The following ABLIM2 variants were observed in gnomAD, a reference collection of about 807,000 sequenced individuals.
The protein encoded by ABLIM2 is actin binding LIM protein family member 2.
Under a neutral mutation model 97.7 loss-of-function variants are expected in ABLIM2, and 53 were observed. That is an observed-to-expected ratio of 0.54 (90% CI 0.44 to 0.68). The LOEUF is 0.68. Among genes scored for constraint, ABLIM2 ranks in the 30% least tolerant of loss-of-function variants. The pLI is 0.00. For missense variants in ABLIM2, 835 were observed against 867.2 expected (o/e 0.96, Z 0.47); for synonymous variants, 361 against 345.8 (o/e 1.04, Z -0.49).
chr4:8,143,165 G>A (rs114846473), intron 1 of ABLIM2, among the ~76,000 whole-genome samples: 4 of 147,760 alleles, frequency 2.7e-5, no homozygotes, highest in African/African-American at 7.5e-5. Flanking sequence ...AGAGTGGGGG[G>A]GGGGGGCGTC....
At chr4:8,154,281 C>CTTT (rs34112937) in intron 1 of ABLIM2, among the ~76,000 whole-genome samples, 6 of 114,530 alleles carry the variant, frequency 5.2e-5, no homozygotes, top group African/African-American at 1.4e-4. Flanking sequence ...CTTTTCTTTT[C>CTTT]TTTTTTTTTT....
At position 8,149,564 on chromosome 4, in the gene ABLIM2, C is replaced by T. The variant is rs368016792; in HGVS notation, c.10+9116G>A. ...AAAGCTTCACAGAGGCCCTGGAGTC[C>T]GGCAGAGCCTTGAAAGGGAGAGGAG... On this transcript the variant is annotated intron_variant, in intron 1 of 20. Coordinates refer to ENST00000447017, the MANE Select transcript of ABLIM2 (RefSeq NM_001130083.2). This position sits in a 1 kb window ranked among gnomAD's most constrained non-coding sequence, Gnocchi z 6.4. 2.6e-5 allele frequency among the ~76,000 whole-genome samples: 4 copies of T among 151,760 alleles called. No individual in the cohort carries two copies. Among genetic ancestry groups the T allele is most frequent in the Admixed American group, 6.6e-5 (1 of 15,232 alleles).
Position 8,001,919 on chromosome 4 carries a change from T to G in ABLIM2, c.1618+6140A>C, listed in dbSNP as rs1416704019. On this transcript the variant is annotated intron_variant, in intron 16 of 20. Coordinates refer to ENST00000447017, the MANE Select transcript of ABLIM2 (RefSeq NM_001130083.2). The surrounding 1 kb of genome is among the most constrained non-coding windows in gnomAD (Gnocchi z 4.2). ...ACCTGCCCGCTTGTCAGCACACACA[T>G]GTGCGTGCTCTCTCTCTCTTTTTCT... Among the ~76,000 whole-genome samples, 1 of 152,226 alleles carries G rather than the reference T, an allele frequency of 6.6e-6. No homozygotes were observed. The highest frequency in any genetic ancestry group is 1.5e-5 in the Non-Finnish European group (1 of 68,038).
In ABLIM2 at chr4:8,015,200, T is replaced by G. The variant is rs1768042891; in HGVS notation, c.1423+4418A>C. 6.6e-6 allele frequency among the ~76,000 whole-genome samples: 1 copy of G among 152,078 alleles called. No individual in the cohort carries two copies. Among genetic ancestry groups the G allele is most frequent in the African/African-American group, 2.4e-5 (1 of 41,412 alleles). ...CCTCCCAAAGTGCTGGGATTACAGGTGTGAGCCACCGTGCCCGGCTTGTCT... is the reference window on the plus strand; with the variant it reads ...CCTCCCAAAGTGCTGGGATTACAGGGGTGAGCCACCGTGCCCGGCTTGTCT... On this transcript the variant is annotated intron_variant, in intron 14 of 20. Transcript: ENST00000447017. The surrounding 1 kb of genome is among the most constrained non-coding windows in gnomAD (Gnocchi z 4.6).
At chr4:8,074,876 T>A (rs7676785) in intron 6 of ABLIM2, among the ~76,000 whole-genome samples, 4 of 149,668 alleles carry the variant, frequency 2.7e-5, no homozygotes, top group African/African-American at 9.9e-5. Flanking sequence ...CACCTCCTGG[T>A]CCTGGTTCAA....
chr4:7,986,211 G>A lies in ABLIM2; in HGVS notation c.1681-1318C>T, dbSNP rs372907813. On this transcript the variant is annotated intron_variant, in intron 17 of 20. Transcript: ENST00000447017. This position sits in a 1 kb window ranked among gnomAD's most constrained non-coding sequence, Gnocchi z 4.3. ...GGAGAGACGGTATGCTCAGCCCAGC[G>A]GGTCTGTCACAGGGCAAAGTGTTTT... Among the ~76,000 whole-genome samples, 193 of 152,346 alleles carry A rather than the reference G, an allele frequency of 1.3e-3. 1 individual carries two copies. Among genetic ancestry groups the A allele is most frequent in the African/African-American group, 4.5e-3 (188 of 41,578 alleles).
rs1323981152 is a variant in ABLIM2 at position 8,075,817 on chromosome 4, A to T, written c.675+1811T>A. On this transcript the variant is annotated intron_variant, in intron 6 of 20. Coordinates refer to ENST00000447017, the MANE Select transcript of ABLIM2 (RefSeq NM_001130083.2). This position sits in a 1 kb window ranked among gnomAD's most constrained non-coding sequence, Gnocchi z 4.4. ...AAGAAGAAATGCTTATGGGGAGTTT[A>T]TAATAAACTGGAAATCTGCTAAATA... 6.6e-6 allele frequency among the ~76,000 whole-genome samples: 1 copy of T among 152,246 alleles called. No homozygotes were observed. Among genetic ancestry groups the T allele is most frequent in the African/African-American group, 2.4e-5 (1 of 41,450 alleles).
chr4:7,966,816 G>A lies in ABLIM2; in HGVS notation c.*174C>T, dbSNP rs376782155. 46 of 583,764 alleles carry A rather than the reference G, an allele frequency of 7.9e-5. No individual in the cohort carries two copies. Among genetic ancestry groups the A allele is most frequent in the African/African-American group, 3.5e-4 (19 of 53,582 alleles). 36.2% of individuals were successfully genotyped at this position (583,764 alleles called of 1,614,324 possible). On this transcript the variant is annotated 3_prime_UTR_variant, in exon 21 of 21. Coordinates refer to ENST00000447017, the MANE Select transcript of ABLIM2 (RefSeq NM_001130083.2). ...CTAGCCGTCTCGGCCCTAAACTACC[G>A]GCAGGAGTGTCGCCGGCAGGTGCAG...
In ABLIM2 at chr4:8,071,142, G is replaced by C. The variant is rs1279927515; in HGVS notation, c.675+6486C>G. Reference sequence around the variant, plus strand: ...CGCTGTCCCCGTGGATTCGCCAGCTGAGTCCCAGCTCCCTCTGTGGGGGCA... The same window carrying C: ...CGCTGTCCCCGTGGATTCGCCAGCTCAGTCCCAGCTCCCTCTGTGGGGGCA... On this transcript the variant is annotated intron_variant, in intron 6 of 20. Transcript: ENST00000447017. The surrounding 1 kb of genome is among the most constrained non-coding windows in gnomAD (Gnocchi z 6.2). Among the ~76,000 whole-genome samples the C allele has an allele frequency of 6.8e-6, 1 of 146,518 alleles. No individual in the cohort carries two copies. The highest frequency in any genetic ancestry group is 2.6e-5 in the African/African-American group (1 of 38,928).
rs577753225 is a variant in ABLIM2, at chr4:8,136,042, T to C, written c.10+22638A>G. Among the ~76,000 whole-genome samples the C allele has an allele frequency of 8.5e-5, 13 of 152,314 alleles. No individual in the cohort carries two copies. The East Asian group carries it at 1.9e-3, about 23-fold the overall frequency. On this transcript the variant is annotated intron_variant, in intron 1 of 20. Transcript: ENST00000447017. The stretch of plus-strand genomic sequence containing the variant: ...CAGCAGAATCTCCACCAGCCAAGCA[T>C]TGGAGACGATCCTTGCATCCATAGA...
rs1812456459 is a variant in ABLIM2 at position 8,071,887 on chromosome 4, C to T, written c.675+5741G>A. On this transcript the variant is annotated intron_variant, in intron 6 of 20. Transcript: ENST00000447017. The surrounding 1 kb of genome is among the most constrained non-coding windows in gnomAD (Gnocchi z 6.2). ...CCTTCAGCCAACAGTCTGTCACCTGCTCCTGCTGCGCCCTGGGAGTCCACT... is the reference window on the plus strand; with the variant it reads ...CCTTCAGCCAACAGTCTGTCACCTGTTCCTGCTGCGCCCTGGGAGTCCACT... 7 of 985,490 alleles carry T rather than the reference C, an allele frequency of 7.1e-6. No individual in the cohort carries two copies. Among genetic ancestry groups the T allele is most frequent in the Non-Finnish European group, 7.2e-6 (6 of 829,982 alleles). 61.0% of individuals were successfully genotyped at this position (985,490 alleles called of 1,614,324 possible).
chr4:8,077,591 G>T (rs775495899), intron 6 of ABLIM2, 37 bp downstream of exon 6: 1 of 1,558,740 alleles, frequency 6.4e-7, no homozygotes, highest in Non-Finnish European at 8.7e-7. Context: ...TTAGGCCCTA[G>T]CTCAGAGCGG....
chr4:8,107,556 G>A (rs983280598), intron 1 of ABLIM2, among the ~76,000 whole-genome samples: 1 of 152,182 alleles, frequency 6.6e-6, no homozygotes, highest in African/African-American at 2.4e-5. Context: ...ACCCGGGCAG[G>A]ACCCAGCTGC....
chr4:8,097,222 G>A lies in ABLIM2; in HGVS notation c.215C>T (p.Thr72Met), dbSNP rs537972124. Reference protein sequence around the residue: ...FFVRQGEYICTLDYQRLYGTR... With the variant: ...FFVRQGEYICMLDYQRLYGTR... ...GCCGTAGAGCCTCTGGTAGTCCAGC[G>A]TGCAGATGTACTCGCCCTGCCGCAC... Residue 72 changes from threonine to methionine, a missense_variant, in exon 3 of 21, where the codon ACG becomes ATG. Physicochemically the swap from Thr to Met is moderately conservative, Grantham distance 81 (BLOSUM62 -1). Transcript: ENST00000447017. 27 of 1,583,292 alleles carry A rather than the reference G, an allele frequency of 1.7e-5. No individual in the cohort carries two copies. The highest frequency in any genetic ancestry group is 1.2e-4 in the East Asian group (5 of 42,866).
At chr4:8,091,027 T>C (rs573373932) in intron 3 of ABLIM2, among the ~76,000 whole-genome samples, 36 of 151,794 alleles carry the variant, frequency 2.4e-4, no homozygotes, top group African/African-American at 8.5e-4. Context: ...TAAGTGTGTG[T>C]TTAACTTTAT....
rs1362886486 is a variant in ABLIM2 at position 8,022,510 on chromosome 4, C to T, written c.1268-2207G>A. On this transcript the variant is annotated intron_variant, in intron 12 of 20. Transcript: ENST00000447017. The surrounding 1 kb of genome is among the most constrained non-coding windows in gnomAD (Gnocchi z 7.8). ...CCATGTTGGCCCACCTCATTCTGGC[C>T]CCCCAGGGCCCTCTAACACCAGCCC... is the stretch of plus-strand genomic sequence containing the variant. Among the ~76,000 whole-genome samples, 1 of 152,194 alleles carries T rather than the reference C, an allele frequency of 6.6e-6. No homozygotes were observed. Among genetic ancestry groups the T allele is most frequent in the Non-Finnish European group, 1.5e-5 (1 of 68,024 alleles).
In ABLIM2 at chr4:8,110,195, C is replaced by A. The variant is rs142586392; in HGVS notation, c.11-3558G>T. On this transcript the variant is annotated intron_variant, in intron 1 of 20. Transcript: ENST00000447017. The stretch of plus-strand genomic sequence containing the variant: ...AGAGCTCACAGGGGTGGGGGCCGTG[C>A]ATCTTCAAGACGCTTATGTTCTCAT... Among the ~76,000 whole-genome samples, 238 of 152,332 alleles carry A rather than the reference C, an allele frequency of 1.6e-3. 1 individual carries two copies. The highest frequency in any genetic ancestry group is 5.4e-3 in the African/African-American group (223 of 41,578).
In ABLIM2 at chr4:8,032,796, C is replaced by T; in HGVS notation, c.1048-3020G>A. The T allele has an allele frequency of 9.4e-7, 1 of 1,068,152 alleles. No individual in the cohort carries two copies. The highest frequency in any genetic ancestry group is 1.4e-6 in the Non-Finnish European group (1 of 700,040). 66.2% of individuals were successfully genotyped at this position (1,068,152 alleles called of 1,614,324 possible). A position where few individuals can be genotyped will look rare whatever the true frequency, so the allele number is the denominator to read the frequency against. On this transcript the variant is annotated intron_variant, in intron 10 of 20. Coordinates refer to ENST00000447017, the MANE Select transcript of ABLIM2 (RefSeq NM_001130083.2). This position sits in a 1 kb window ranked among gnomAD's most constrained non-coding sequence, Gnocchi z 4.3. ...CAAACACCCACACAGAGCCCTGATC[C>T]TCCAGACAGGAAAAGAACTCTACCC...
intron 6 of ABLIM2, among the ~76,000 whole-genome samples, chr4:8,063,822 C>G (rs183960781): frequency 1.3e-5 from 2 of 152,328 alleles, no homozygotes; most frequent in East Asian, 1.9e-4. Flanking sequence ...ATTCCAAATA[C>G]CCCCCTTGCC....
Sources: allele counts gnomAD v4.1 joint callset (sites outside exome capture counted in the v4.1 genomes callset), GRCh38; gene constraint gnomAD v4.1.1; non-coding constraint Gnocchi (gnomAD v3.1); transcripts MANE v1.5; gene names NCBI Gene and HGNC (gene_info 2026-07-23, HGNC 2026-07-21).